The following KCNIP4 variants were observed in gnomAD, a reference collection of about 807,000 sequenced individuals.
KCNIP4 encodes the protein Kv channel-interacting protein 4.
A neutral mutation model predicts 34.0 loss-of-function variants in KCNIP4; 12 were observed. The observed-to-expected ratio is 0.35, with a 90% confidence interval of 0.23 to 0.57. KCNIP4 has a LOEUF of 0.57. KCNIP4 is among the 20% of genes least tolerant of loss of function. The pLI, the probability that KCNIP4 is intolerant of heterozygous loss-of-function variation, is 0.83. For synonymous variants in KCNIP4, 124 were observed against 102.2 expected, an observed-to-expected ratio of 1.21 and a Z score of -1.29; for missense variants, 238 against 311.7, an observed-to-expected ratio of 0.76 and a Z score of 1.78.
chr4:21,522,275 T>G (rs1294476378), intron 1 of KCNIP4, among the ~76,000 whole-genome samples: 1 of 152,208 alleles, frequency 6.6e-6, no homozygotes, highest in Non-Finnish European at 1.5e-5. Flanking sequence ...AACCTCTTTA[T>G]GAGAGCTTTC....
chr4:21,207,802 T>G (rs994550982), intron 1 of KCNIP4, among the ~76,000 whole-genome samples: 11 of 151,972 alleles, frequency 7.2e-5, no homozygotes, highest in Non-Finnish European at 1.5e-4. Context: ...TATATTTACT[T>G]TCTTTTTCAT....
intron 1 of KCNIP4, among the ~76,000 whole-genome samples, chr4:21,629,845 C>CT (rs1198985778): frequency 2.3e-4 from 13 of 55,526 alleles, no homozygotes; most frequent in Admixed American, 2.1e-3. Context: ...TTTTCTTTTT[C>CT]TTTCTTTTTT....
Position 20,729,632 on chromosome 4 carries a change from C to CTGGA in KCNIP4, c.*449_*450insTCCA. 6.6e-6 allele frequency: 1 copy of CTGGA among 151,382 alleles called. No homozygotes were observed. The highest frequency in any genetic ancestry group is 2.4e-5 in the African/African-American group (1 of 40,904). 9.4% of individuals were successfully genotyped at this position (151,382 alleles called of 1,614,324 possible). ...TATAAATGGAATTTAAATGGAATTA[C>CTGGA]AGCATTCAAACATGAAAATTAATTT... On this transcript the variant is annotated 3_prime_UTR_variant, in exon 9 of 9. Transcript: ENST00000382152.
At chr4:21,107,018 G>A (rs866525867) in intron 1 of KCNIP4, among the ~76,000 whole-genome samples, 2 of 147,714 alleles carry the variant, frequency 1.4e-5, no homozygotes, top group Non-Finnish European at 3.0e-5. Context: ...TTACTTCCAA[G>A]TATGTGGTCA....
At chr4:21,350,873 A>C (rs1258314077) in intron 1 of KCNIP4, among the ~76,000 whole-genome samples, 5 of 152,204 alleles carry the variant, frequency 3.3e-5, no homozygotes, top group Admixed American at 2.0e-4. Flanking sequence ...GTTTTTAATA[A>C]TATTCATTTT....
chr4:21,776,864 G>A (rs1719213710), intron 1 of KCNIP4, among the ~76,000 whole-genome samples: 1 of 152,094 alleles, frequency 6.6e-6, no homozygotes, highest in African/African-American at 2.4e-5. Flanking sequence ...TCAGGTTCAA[G>A]CAACTCTCCT....
intron 1 of KCNIP4, among the ~76,000 whole-genome samples, chr4:21,022,121 G>A (rs1422939019): frequency 6.6e-6 from 1 of 152,022 alleles, no homozygotes; most frequent in Admixed American, 6.5e-5. Flanking sequence ...GACCACCATT[G>A]TATTTTCAGT....
chr4:20,744,510 C>T (rs952767274), intron 5 of KCNIP4, among the ~76,000 whole-genome samples: 7 of 151,908 alleles, frequency 4.6e-5, no homozygotes, highest in Admixed American at 6.6e-5. Context: ...AGCAAACTAT[C>T]GCAAGGACAG....
intron 1 of KCNIP4, among the ~76,000 whole-genome samples, chr4:21,522,793 G>C (rs941584795): frequency 7.2e-5 from 11 of 151,980 alleles, no homozygotes; most frequent in Non-Finnish European, 8.8e-5. Context: ...TATTTCATTA[G>C]ATTATTGAAT....
intron 1 of KCNIP4, among the ~76,000 whole-genome samples, chr4:21,258,653 T>C (rs953562997): frequency 1.3e-5 from 2 of 152,292 alleles, no homozygotes; most frequent in Non-Finnish European, 2.9e-5. Flanking sequence ...GTGTTCCATG[T>C]CCTGACCTCT....
intron 1 of KCNIP4, among the ~76,000 whole-genome samples, chr4:21,555,816 G>C (rs1413620015): frequency 6.6e-6 from 1 of 152,024 alleles, no homozygotes; most frequent in East Asian, 1.9e-4. Context: ...TAGGATTCCT[G>C]TGACTCATGT....
chr4:21,225,113 TG>T (rs1319559848), intron 1 of KCNIP4, among the ~76,000 whole-genome samples: 5 of 152,152 alleles, frequency 3.3e-5, no homozygotes, highest in Non-Finnish European at 7.4e-5. Context: ...TTTTGACTAA[TG>T]ATATTTTCAA....
At chr4:21,274,566 C>T (rs965900478) in intron 1 of KCNIP4, among the ~76,000 whole-genome samples, 7 of 152,224 alleles carry the variant, frequency 4.6e-5, no homozygotes, top group South Asian at 2.1e-4. Flanking sequence ...TCAATTACTA[C>T]GGACTCCTAA....
At chr4:21,114,453 C>T (rs1749517086) in intron 1 of KCNIP4, among the ~76,000 whole-genome samples, 1 of 152,062 alleles carries the variant, frequency 6.6e-6, no homozygotes, top group Non-Finnish European at 1.5e-5. Context: ...AATATCTTCA[C>T]TTTTTTCTTA....
chr4:20,817,541 C>T (rs1716563695), intron 3 of KCNIP4, among the ~76,000 whole-genome samples: 1 of 152,128 alleles, frequency 6.6e-6, no homozygotes, highest in Non-Finnish European at 1.5e-5. Context: ...CTTTTCGCTC[C>T]TCTTATGCTG....
rs536009445 is a variant in KCNIP4 at position 21,224,295 on chromosome 4, T to C, written c.62-341586A>G. On this transcript the variant is annotated intron_variant, in intron 1 of 8. Transcript: ENST00000382152. Reference sequence around the variant, plus strand: ...CTGTGTCTGGTGAGGGCCTGCTTCCTGTCTTGTAGACAGCCATCTTCTTGC... The same window carrying C: ...CTGTGTCTGGTGAGGGCCTGCTTCCCGTCTTGTAGACAGCCATCTTCTTGC... Among the ~76,000 whole-genome samples, 9 of 152,234 alleles carry C rather than the reference T, an allele frequency of 5.9e-5. No individual in the cohort carries two copies. The East Asian group carries it at 1.8e-3, about 30-fold the overall frequency.
At chr4:21,135,818 T>A (rs1751456370) in intron 1 of KCNIP4, among the ~76,000 whole-genome samples, 1 of 152,266 alleles carries the variant, frequency 6.6e-6, no homozygotes, top group East Asian at 1.9e-4. Context: ...GGGTCAGCTC[T>A]TGAATATCCT....
At chr4:21,420,284 T>C (rs2109623122) in intron 1 of KCNIP4, among the ~76,000 whole-genome samples, 1 of 152,338 alleles carries the variant, frequency 6.6e-6, no homozygotes, top group Admixed American at 6.5e-5. Context: ...TTTGTATCCC[T>C]ACATTTCTCC....
At chr4:21,364,836 T>G (rs1719573286) in intron 1 of KCNIP4, among the ~76,000 whole-genome samples, 1 of 152,156 alleles carries the variant, frequency 6.6e-6, no homozygotes, top group Non-Finnish European at 1.5e-5. Context: ...GAGTACTATT[T>G]GTTAGAGGCA....
Sources: gnomAD v4.1 joint callset for allele counts (sites outside exome capture counted in the v4.1 genomes callset) on GRCh38, gnomAD v4.1.1 for gene constraint, MANE v1.5 for transcripts, NCBI Gene and HGNC (gene_info 2026-07-23, HGNC 2026-07-21) for gene names.